SLC35F1: variants seen among roughly 807,000 people sequenced by gnomAD.
SLC35F1 encodes chromosome 6 open reading frame 169.
SLC35F1 carries 14 observed loss-of-function variants against 48.7 expected under a neutral mutation model. The ratio of observed to expected loss-of-function variants is 0.29; its 90% CI spans 0.19 to 0.45. The LOEUF is 0.45. SLC35F1 is among the 20% of genes least tolerant of loss of function. SLC35F1 has a pLI of 1.00. For synonymous variants in SLC35F1, 190 were observed against 202.2 expected, an observed-to-expected ratio of 0.94 and a Z score of 0.51; for missense variants, 404 against 500.0, an observed-to-expected ratio of 0.81 and a Z score of 1.83.
chr6:118,126,302 G>A lies in SLC35F1; in HGVS notation c.174-28143G>A, dbSNP rs544196335. ...GATCAGATAGTTGTAGATATGCGGCGTTATTTCTGAGGGCTCTGTTCTGTT... is the reference window on the plus strand; with the variant it reads ...GATCAGATAGTTGTAGATATGCGGCATTATTTCTGAGGGCTCTGTTCTGTT... On this transcript the variant is annotated intron_variant, in intron 1 of 7. Coordinates refer to ENST00000360388, the MANE Select transcript of SLC35F1 (RefSeq NM_001029858.4). Among the ~76,000 whole-genome samples the A allele has an allele frequency of 3.7e-4, 56 of 152,226 alleles. 1 individual carries two copies. The highest frequency in any genetic ancestry group is 1.0e-3 in the South Asian group (5 of 4,814).
chr6:118,204,443 A>G (rs1774908863), intron 2 of SLC35F1, among the ~76,000 whole-genome samples: 1 of 152,180 alleles, frequency 6.6e-6, no homozygotes, highest in African/African-American at 2.4e-5. Context: ...CTTTTAAATA[A>G]TGTCATCCTG....
intron 2 of SLC35F1, among the ~76,000 whole-genome samples, chr6:118,215,418 G>T (rs2114554761): frequency 6.6e-6 from 1 of 152,188 alleles, no homozygotes; most frequent in East Asian, 1.9e-4. Flanking sequence ...ATGTATTAAA[G>T]GTTATTTGCC....
intron 1 of SLC35F1, among the ~76,000 whole-genome samples, chr6:118,149,469 G>T (rs1201332332): frequency 6.6e-6 from 1 of 152,138 alleles, no homozygotes; most frequent in Non-Finnish European, 1.5e-5. Flanking sequence ...GGTATAGTTA[G>T]CAGAGTGTCA....
intron 1 of SLC35F1, among the ~76,000 whole-genome samples, chr6:118,130,234 G>A (rs1773689976): frequency 6.6e-6 from 1 of 152,110 alleles, no homozygotes; most frequent in Non-Finnish European, 1.5e-5. Flanking sequence ...CCTGTAAAAT[G>A]CTATGTAAAT....
intron 1 of SLC35F1, chr6:117,999,328 G>T: frequency 6.3e-7 from 1 of 1,595,686 alleles, no homozygotes; most frequent in Non-Finnish European, 8.5e-7. Context: ...GGCTCAGGCT[G>T]TGCCGGCCAA....
intron 1 of SLC35F1, among the ~76,000 whole-genome samples, chr6:118,154,026 C>A (rs998234587): frequency 5.3e-5 from 8 of 152,078 alleles, no homozygotes. Context: ...GGAATATGGT[C>A]CCTCCTAGTC....
intron 7 of SLC35F1, among the ~76,000 whole-genome samples, chr6:118,313,758 G>A (rs548659571): frequency 3.4e-4 from 51 of 152,122 alleles, no homozygotes; most frequent in Non-Finnish European, 6.5e-4. Context: ...ACTAGTTCTC[G>A]CACCATACCA....
intron 1 of SLC35F1, among the ~76,000 whole-genome samples, chr6:117,958,537 C>A (rs1240477344): frequency 6.6e-6 from 1 of 152,120 alleles, no homozygotes; most frequent in Admixed American, 6.6e-5. Context: ...CATATTTTTT[C>A]TGTACCTTTT....
chr6:118,035,149 T>A (rs913111718), intron 1 of SLC35F1, among the ~76,000 whole-genome samples: 10 of 152,244 alleles, frequency 6.6e-5, no homozygotes, highest in Admixed American at 6.5e-4. Context: ...GCATCTCAGT[T>A]ATCAAATTAA....
intron 1 of SLC35F1, among the ~76,000 whole-genome samples, chr6:118,122,478 G>A (rs1261983759): frequency 6.6e-6 from 1 of 152,198 alleles, no homozygotes; most frequent in Non-Finnish European, 1.5e-5. Context: ...AAGGTACCAA[G>A]TGCAATTCTG....
At chr6:118,229,159 T>C (rs1007664298) in intron 2 of SLC35F1, among the ~76,000 whole-genome samples, 2 of 152,034 alleles carry the variant, frequency 1.3e-5, no homozygotes, top group Non-Finnish European at 2.9e-5. Context: ...CCCCACCCCA[T>C]GTGCAACCAC....
intron 7 of SLC35F1, among the ~76,000 whole-genome samples, chr6:118,309,202 T>C (rs866755582): frequency 6.0e-5 from 9 of 149,596 alleles, no homozygotes; most frequent in African/African-American, 1.5e-4. Context: ...TGTGTGTGTG[T>C]GCGTGTGTGT....
intron 2 of SLC35F1, among the ~76,000 whole-genome samples, chr6:118,200,803 A>G: frequency 6.6e-6 from 1 of 152,174 alleles, no homozygotes; most frequent in Non-Finnish European, 1.5e-5. Context: ...AGCACCCAAG[A>G]TGATAAAGAT....
chr6:118,158,316 G>A (rs1410356566), intron 2 of SLC35F1, among the ~76,000 whole-genome samples: 1 of 152,116 alleles, frequency 6.6e-6, no homozygotes, highest in Admixed American at 6.6e-5. Flanking sequence ...ATGTTCTGGA[G>A]ACATACTAAT....
At chr6:118,139,452 T>G (rs1773850943) in intron 1 of SLC35F1, among the ~76,000 whole-genome samples, 1 of 152,212 alleles carries the variant, frequency 6.6e-6, no homozygotes, top group Admixed American at 6.5e-5. Context: ...AAATACTAAA[T>G]CATCTGGAAA....
At chr6:117,948,347 A>G (rs974304585) in intron 1 of SLC35F1, among the ~76,000 whole-genome samples, 17 of 152,234 alleles carry the variant, frequency 1.1e-4, no homozygotes, top group African/African-American at 3.9e-4. Flanking sequence ...CTGAGTAAAG[A>G]GTACCTACTC....
chr6:118,061,567 T>C (rs1772536782), intron 1 of SLC35F1, among the ~76,000 whole-genome samples: 1 of 137,026 alleles, frequency 7.3e-6, no homozygotes, highest in Non-Finnish European at 1.6e-5. Flanking sequence ...TATATATATA[T>C]ACATTTGTGT....
chr6:118,305,625 A>G (rs147954478), intron 7 of SLC35F1, among the ~76,000 whole-genome samples: 2 of 152,330 alleles, frequency 1.3e-5, no homozygotes, highest in Non-Finnish European at 2.9e-5. Flanking sequence ...CAAAGTCCTT[A>G]GATGATGATG....
Position 118,038,627 on chromosome 6 carries a change from A to G in SLC35F1, c.174-115818A>G, listed in dbSNP as rs1303722607. ...ATTTACTTCTAAATATTTTATTATTATTATTATTATTTGAGATAAGATCTT... is the reference window on the plus strand; with the variant it reads ...ATTTACTTCTAAATATTTTATTATTGTTATTATTATTTGAGATAAGATCTT... On this transcript the variant is annotated intron_variant, in intron 1 of 7. Coordinates refer to ENST00000360388, the MANE Select transcript of SLC35F1 (RefSeq NM_001029858.4). Among the ~76,000 whole-genome samples the G allele has an allele frequency of 2.6e-5, 4 of 151,544 alleles. No individual in the cohort carries two copies. In the East Asian group the frequency reaches 5.8e-4, roughly 22 times the overall value.
Sources: allele counts gnomAD v4.1 joint callset (sites outside exome capture counted in the v4.1 genomes callset), GRCh38; gene constraint gnomAD v4.1.1; transcripts MANE v1.5; gene names NCBI Gene and HGNC (gene_info 2026-07-23, HGNC 2026-07-21).